NRK: variants seen among roughly 807,000 people sequenced by gnomAD.
NRK encodes the protein nik-related protein kinase.
Under a neutral mutation model 125.2 loss-of-function variants are expected in NRK, and 67 were observed. The observed-to-expected ratio is 0.54, with a 90% confidence interval of 0.44 to 0.66. The LOEUF (loss-of-function observed/expected upper bound fraction) is 0.66. Ranked by LOEUF, NRK falls within the 30% of genes least tolerant of loss-of-function variation. The pLI, the probability that NRK is intolerant of heterozygous loss-of-function variation, is 0.00. For missense variants in NRK, 1,224 were observed against 1,192.9 expected, an observed-to-expected ratio of 1.03 and a Z score of -0.38; for synonymous variants, 458 against 429.0, an observed-to-expected ratio of 1.07 and a Z score of -0.84.
chrX:105,910,371 T>TA (rs1443441321), intron 13 of NRK, among the ~76,000 whole-genome samples: 8 of 112,390 alleles, frequency 7.1e-5, no homozygotes, highest in African/African-American at 2.6e-4. Context: ...AAATCAAGGT[T>TA]AAAATGAGAA....
rs760848956 is a variant in NRK at position 105,922,014 on chromosome X, T to C, written c.2563T>C (p.Ser855Pro). ...SPVTGRRSQS[S>P]PPYSTIDQKL... is the part of the protein sequence containing the mutation. Reference sequence around the variant, plus strand: ...TGTGACTGGAAGGAGGTCTCAGTCATCACCACCTTATTCTACTATTGATCA... The same window carrying C: ...TGTGACTGGAAGGAGGTCTCAGTCACCACCACCTTATTCTACTATTGATCA... The change falls in exon 17 of 29, where the codon TCA becomes CCA. Residue 855 changes from serine to proline, a missense_variant. By Grantham distance (74) the Ser-to-Pro change is moderately conservative (BLOSUM62 -1). Coordinates refer to ENST00000243300, the MANE Select transcript of NRK (RefSeq NM_198465.4). The C allele has an allele frequency of 8.4e-7, 1 of 1,185,331 alleles. No homozygotes were observed. The highest frequency in any genetic ancestry group is 1.1e-6 in the Non-Finnish European group (1 of 873,144).
intron 14 of NRK, among the ~76,000 whole-genome samples, chrX:105,915,343 G>A (rs1281288569): frequency 2.7e-5 from 3 of 110,693 alleles, no homozygotes; most frequent in Non-Finnish European, 5.7e-5. Flanking sequence ...GATATAAAAA[G>A]CAATGTGATA....
chrX:105,901,998 G>T (rs1257902741), intron 9 of NRK, among the ~76,000 whole-genome samples: 2 of 110,513 alleles, frequency 1.8e-5, no homozygotes, highest in Admixed American at 9.7e-5. Context: ...ATACATGCCT[G>T]CATTGAGTAG....
intron 5 of NRK, among the ~76,000 whole-genome samples, chrX:105,891,785 A>G (rs1429490645): frequency 8.9e-6 from 1 of 111,763 alleles, no homozygotes; most frequent in Non-Finnish European, 1.9e-5. Flanking sequence ...AGAACCACCA[A>G]ATTTATAGAC....
Position 105,945,930 on chromosome X carries a change from T to C in NRK, c.4118T>C (p.Ile1373Thr). Residue 1373 changes from isoleucine to threonine, a missense_variant, in exon 25 of 29, where the codon ATA (isoleucine) becomes ACA (threonine). Ile to Thr is a moderately conservative substitution (Grantham distance 89). Coordinates refer to ENST00000243300, the MANE Select transcript of NRK (RefSeq NM_198465.4). ...EGDYMSYQAY[I>T]RILAKIQAAD... ...GACTACATGTCCTATCAAGCCTATATACGAATACTGGCAAAAATACAGGCA... is the reference window on the plus strand; with the variant it reads ...GACTACATGTCCTATCAAGCCTATACACGAATACTGGCAAAAATACAGGCA... 8.3e-7 allele frequency: 1 copy of C among 1,207,793 alleles called. No individual in the cohort carries two copies. Among genetic ancestry groups the C allele is most frequent in the Non-Finnish European group, 1.1e-6 (1 of 892,002 alleles).
At chrX:105,822,104 G>A (rs774624487), upstream of NRK, among the ~76,000 whole-genome samples, 24 of 112,747 alleles carry the variant, frequency 2.1e-4, no homozygotes, top group Non-Finnish European at 4.1e-4. Context: ...GGGACAGAAA[G>A]AGAAAACAGC....
chrX:105,826,342 A>AT (rs2039107992), intron 1 of NRK, among the ~76,000 whole-genome samples: 1 of 85,987 alleles, frequency 1.2e-5, no homozygotes, highest in East Asian at 3.5e-4. Flanking sequence ...TAGATAATAT[A>AT]TAGTATATAC....
chrX:105,849,352 G>A (rs1471226787), intron 2 of NRK, among the ~76,000 whole-genome samples: 3 of 111,400 alleles, frequency 2.7e-5, no homozygotes, highest in Non-Finnish European at 5.6e-5. Flanking sequence ...GAGAATTCTG[G>A]GAGATACAAT....
intron 1 of NRK, among the ~76,000 whole-genome samples, chrX:105,827,804 AC>A (rs966384206): frequency 8.9e-6 from 1 of 112,167 alleles, no homozygotes; most frequent in Admixed American, 9.5e-5. Flanking sequence ...TTCTTTACTG[AC>A]CATTTTGTAT....
Position 105,915,748 on chromosome X carries a change from T to C in NRK, c.2368T>C (p.Ser790Pro). 1 of 1,153,451 alleles carries C rather than the reference T, an allele frequency of 8.7e-7. No homozygotes were observed. Reference protein sequence around the residue: ...KKIEVQERSPSVPNNQDHAHH... With the variant: ...KKIEVQERSPPVPNNQDHAHH... ...CTTTAAGGTTCAAGAGAGATCTCCT[T>C]CTGTGCCTAACAACCAGGATCATGC... The change falls in exon 15 of 29, where the codon TCT (serine) becomes CCT (proline). Residue 790 changes from serine (S) to proline (P), a missense_variant. Transcript: ENST00000243300.
intron 2 of NRK, among the ~76,000 whole-genome samples, chrX:105,879,129 G>C (rs1452419342): frequency 9.1e-6 from 1 of 110,415 alleles, no homozygotes; most frequent in East Asian, 2.9e-4. Flanking sequence ...CTGTATCCCT[G>C]TGTCTCTGCG....
At position 105,946,473 on chromosome X, in the gene NRK, A is replaced by T. The variant is rs187212925; in HGVS notation, c.4353+9A>T. The T allele has an allele frequency of 2.8e-4, 317 of 1,141,155 alleles. 1 individual carries two copies. Among genetic ancestry groups the T allele is most frequent in the Non-Finnish European group, 3.3e-4 (279 of 843,064 alleles). 94.0% of individuals were successfully genotyped at this position (1,141,155 alleles called of 1,213,427 possible). Reference sequence around the variant, plus strand: ...TGACCCTGCCAAAGAATGTAAGATAACACCTTCAGATTCCTAGAAATTATT... The same window carrying T: ...TGACCCTGCCAAAGAATGTAAGATATCACCTTCAGATTCCTAGAAATTATT... On this transcript the variant is annotated intron_variant, in intron 26 of 28. Coordinates refer to ENST00000243300, the MANE Select transcript of NRK (RefSeq NM_198465.4).
intron 2 of NRK, among the ~76,000 whole-genome samples, chrX:105,833,457 G>T (rs1440926267): frequency 9.0e-6 from 1 of 111,236 alleles, no homozygotes; most frequent in African/African-American, 3.3e-5. Context: ...GGGTGTGTGT[G>T]TAAGTGTGTG....
In NRK at chrX:105,956,633, A is replaced by G. The variant is rs1179833440; in HGVS notation, c.*1033A>G. ...GATTTCATTTTTTGTAAAATCAGAA[A>G]TTAATCTAAACATATTCAGTGATAA... On this transcript the variant is annotated 3_prime_UTR_variant, in exon 29 of 29. Coordinates refer to ENST00000243300, the MANE Select transcript of NRK (RefSeq NM_198465.4). 8.9e-6 allele frequency: 1 copy of G among 112,288 alleles called. No individual in the cohort carries two copies. Among genetic ancestry groups the G allele is most frequent in the Non-Finnish European group, 1.9e-5 (1 of 53,275 alleles). 9.3% of individuals were successfully genotyped at this position (112,288 alleles called of 1,213,427 possible).
chrX:105,831,784 CTG>C (rs1469074808), intron 2 of NRK, among the ~76,000 whole-genome samples: 1 of 111,397 alleles, frequency 9.0e-6, no homozygotes, highest in African/African-American at 3.3e-5. Context: ...ACACAAATAA[CTG>C]TATACTTCTG....
At chrX:105,904,207 A>G (rs2040192675) in intron 9 of NRK, among the ~76,000 whole-genome samples, 1 of 112,039 alleles carries the variant, frequency 8.9e-6, no homozygotes, top group Non-Finnish European at 1.9e-5. Context: ...TGAAATTGAC[A>G]CTGTGGTTCT....
At chrX:105,921,855 C>CAA (rs368347197) in intron 16 of NRK, 109 bp from the exon 17 acceptor site, 237 of 338,194 alleles carry the variant, frequency 7.0e-4, no homozygotes, top group African/African-American at 4.8e-3. Flanking sequence ...TAAAAATGAC[C>CAA]AAGAAAAAAA....
At chrX:105,930,998 A>G (rs984302131) in intron 19 of NRK, among the ~76,000 whole-genome samples, 2 of 112,160 alleles carry the variant, frequency 1.8e-5, no homozygotes, top group African/African-American at 6.5e-5. Flanking sequence ...GTGTTGAGCT[A>G]TCAGACTACT....
At chrX:105,906,718 A>T (rs1399109811) in intron 11 of NRK, 129 bp downstream of exon 11, 1 of 369,763 alleles carries the variant, frequency 2.7e-6, no homozygotes, top group Non-Finnish European at 4.7e-6. Context: ...TTTGATATTT[A>T]GTTTTGCCAA....
Sources: allele counts gnomAD v4.1 joint callset (sites outside exome capture counted in the v4.1 genomes callset), GRCh38; gene constraint gnomAD v4.1.1; transcripts MANE v1.5; gene names NCBI Gene and HGNC (gene_info 2026-07-23, HGNC 2026-07-21).